CRLF3: variants seen among roughly 807,000 people sequenced by gnomAD.
The protein encoded by CRLF3 is cytokine receptor like factor 3.
CRLF3 carries 33 observed loss-of-function variants against 55.0 expected under a neutral mutation model. The observed-to-expected ratio is 0.60, with a 90% CI of 0.46 to 0.80. The LOEUF is 0.80. Among genes scored for constraint, CRLF3 ranks in the 30% least tolerant of loss-of-function variants. CRLF3 has a pLI of 0.00. For synonymous variants in CRLF3, 238 were observed against 196.8 expected (o/e 1.21, Z -1.75); for missense variants, 494 against 538.4 (o/e 0.92, Z 0.82).
chr17:30,785,826 C>G, intron 7 of CRLF3, 93 bp downstream of exon 7: 1 of 625,434 alleles, frequency 1.6e-6, no homozygotes, highest in Non-Finnish European at 2.7e-6. Context: ...ATTTTCTCAT[C>G]TCCTACTATA....
chr17:30,817,032 T>C (rs1248525173), intron 1 of CRLF3, among the ~76,000 whole-genome samples: 3 of 152,174 alleles, frequency 2.0e-5, no homozygotes, highest in Admixed American at 1.3e-4. Context: ...CCCCCCTTAT[T>C]TGCAATTAGT....
Position 30,796,241 on chromosome 17 carries a change from A to G in CRLF3, c.522T>C (p.His174=). Residue 174 remains histidine, a synonymous_variant, in exon 4 of 8, where the codon CAT becomes CAC. Coordinates refer to ENST00000324238, the MANE Select transcript of CRLF3 (RefSeq NM_015986.4). ...LNIVKDHIFK[H]GTVASRPPVQ... The stretch of plus-strand genomic sequence containing the variant: ...CTGGTGGGCGAGATGCTACTGTTCC[A>G]TGCTTAAAAATGTGGTCTTTCACTA... 6.2e-7 allele frequency: 1 copy of G among 1,614,074 alleles called. No homozygotes were observed. Among genetic ancestry groups the G allele is most frequent in the Non-Finnish European group, 8.5e-7 (1 of 1,179,958 alleles).
intron 1 of CRLF3, among the ~76,000 whole-genome samples, chr17:30,820,960 C>T (rs536974438): frequency 4.0e-5 from 6 of 151,244 alleles, no homozygotes; most frequent in African/African-American, 1.2e-4. Context: ...GGATCTGAGA[C>T]AGGAGGATGG....
At chr17:30,810,660 A>G (rs62070638) in intron 1 of CRLF3, among the ~76,000 whole-genome samples, 24,822 of 152,162 alleles carry the variant, frequency 0.16, 2,132 homozygotes, top group Non-Finnish European at 0.18. Context: ...TTTTAACATG[A>G]TTAAGAGCTC....
intron 7 of CRLF3, among the ~76,000 whole-genome samples, chr17:30,785,616 A>T (rs1358661525): frequency 6.6e-6 from 1 of 150,632 alleles, no homozygotes; most frequent in Non-Finnish European, 1.5e-5. Context: ...TTTACAAAAA[A>T]GTAAAAATAA....
At chr17:30,784,493 A>T (rs929747993) in intron 7 of CRLF3, 50 bp from the exon 8 acceptor site, 8 of 1,499,312 alleles carry the variant, frequency 5.3e-6, no homozygotes, top group Non-Finnish European at 7.3e-6. Flanking sequence ...TAACTAAGAG[A>T]TCTGAAATAG....
chr17:30,796,480 T>G, intron 3 of CRLF3, 143 bp from the exon 4 acceptor site: 1 of 577,424 alleles, frequency 1.7e-6, no homozygotes, highest in Non-Finnish European at 3.0e-6. Context: ...TTGCAAGATG[T>G]TACACAAAGA....
intron 2 of CRLF3, among the ~76,000 whole-genome samples, chr17:30,803,477 CAAAATGTCAATCTGA>C (rs1972037389): frequency 6.6e-6 from 1 of 152,138 alleles, no homozygotes; most frequent in East Asian, 1.9e-4. Context: ...GAGAAATCAG[CAAAATGTCAATCTGA>C]ACGAACCACA....
chr17:30,789,161 ATTGAGT>A (rs1971724601), intron 6 of CRLF3, among the ~76,000 whole-genome samples: 1 of 152,118 alleles, frequency 6.6e-6, no homozygotes, highest in Non-Finnish European at 1.5e-5. Flanking sequence ...CTACCATTAT[ATTGAGT>A]TTAACTGAAT....
chr17:30,791,334 G>A (rs1971795721), intron 6 of CRLF3, among the ~76,000 whole-genome samples: 1 of 151,544 alleles, frequency 6.6e-6, no homozygotes, highest in Non-Finnish European at 1.5e-5. Context: ...GCCTCCCGAA[G>A]TGCTGGGATT....
At position 30,797,295 on chromosome 17, in the gene CRLF3, G is replaced by T; in HGVS notation, c.425+16C>A. ...AAATGCTTAAAAGTAAGTCAAAAAG[G>T]CACAAACTCTTTTACCTGTCCAACT... On this transcript the variant is annotated intron_variant, in intron 3 of 7. Coordinates refer to ENST00000324238, the MANE Select transcript of CRLF3 (RefSeq NM_015986.4). The T allele has an allele frequency of 6.3e-7, 1 of 1,585,082 alleles. No individual in the cohort carries two copies. The highest frequency in any genetic ancestry group is 8.7e-7 in the Non-Finnish European group (1 of 1,153,636).
intron 3 of CRLF3, 52 bp from the exon 4 acceptor site, chr17:30,796,389 A>C (rs780031785): frequency 4.3e-6 from 6 of 1,404,094 alleles, no homozygotes; most frequent in Non-Finnish European, 5.8e-6. Context: ...GAGTTAAAAA[A>C]TACAAGAAAT....
Position 30,792,573 on chromosome 17 carries a change from C to G in CRLF3, c.827-1G>C. On this transcript the variant is annotated splice_acceptor_variant, in intron 5 of 7. Coordinates refer to ENST00000324238, the MANE Select transcript of CRLF3 (RefSeq NM_015986.4). LOFTEE classifies it high-confidence loss of function. Reference sequence around the variant, plus strand: ...TACCCCTCAAAACCAGCTGTCCACTCTTTTTCAAAGCAAAGATATTGAAAA... The same window carrying G: ...TACCCCTCAAAACCAGCTGTCCACTGTTTTTCAAAGCAAAGATATTGAAAA... The G allele has an allele frequency of 6.3e-7, 1 of 1,590,956 alleles. No individual in the cohort carries two copies. The highest frequency in any genetic ancestry group is 2.3e-5 in the East Asian group (1 of 44,250).
chr17:30,791,213 G>C (rs996469239), intron 6 of CRLF3, among the ~76,000 whole-genome samples: 1 of 151,810 alleles, frequency 6.6e-6, no homozygotes, highest in Non-Finnish European at 1.5e-5. Context: ...TGGGATTACA[G>C]GTGTGCACTA....
At position 30,824,640 on chromosome 17, in the gene CRLF3, C is replaced by A. The variant is rs533264211; in HGVS notation, c.12G>T (p.Ala4=). 4 of 1,597,452 alleles carry A rather than the reference C, an allele frequency of 2.5e-6. No individual in the cohort carries two copies. Among genetic ancestry groups the A allele is most frequent in the Non-Finnish European group, 3.4e-6 (4 of 1,176,364 alleles). MRG[A]MELEPELLLQ... ...ACAGCAGCTCAGGCTCCAGCTCCATCGCCCCCCTCATCTGGCCGCGCGGCC... is the reference window on the plus strand; with the variant it reads ...ACAGCAGCTCAGGCTCCAGCTCCATAGCCCCCCTCATCTGGCCGCGCGGCC... Residue 4 remains alanine, a synonymous_variant, in exon 1 of 8, where the codon GCG becomes GCT. Transcript: ENST00000324238.
intron 1 of CRLF3, among the ~76,000 whole-genome samples, chr17:30,804,665 CTCTTT>C (rs773839303): frequency 2.6e-5 from 4 of 152,272 alleles, no homozygotes; most frequent in Admixed American, 6.5e-5. Flanking sequence ...GAATTTCCTT[CTCTTT>C]TAAGGTTGAA....
chr17:30,802,072 T>C (rs573312436), intron 2 of CRLF3, among the ~76,000 whole-genome samples: 2 of 151,992 alleles, frequency 1.3e-5, no homozygotes, highest in African/African-American at 2.4e-5. Flanking sequence ...TTAGCATGTA[T>C]CTCTCTCTCA....
intron 1 of CRLF3, among the ~76,000 whole-genome samples, chr17:30,812,717 C>T (rs1328376915): frequency 1.3e-5 from 2 of 152,086 alleles, no homozygotes; most frequent in Non-Finnish European, 2.9e-5. Flanking sequence ...TGCAGTCACA[C>T]GTGCACAGCA....
Position 30,802,207 on chromosome 17 carries a change from C to T in CRLF3, c.337+1694G>A, listed in dbSNP as rs545513242. Among the ~76,000 whole-genome samples, 7 of 151,570 alleles carry T rather than the reference C, an allele frequency of 4.6e-5. No homozygotes were observed. In the East Asian group the frequency reaches 1.2e-3, roughly 25 times the overall value. ...GTGCAATCTCGGCTAACTGCAACCT[C>T]CGCCTCCCGGGTTCAAGCAATTCTC... On this transcript the variant is annotated intron_variant, in intron 2 of 7. Coordinates refer to ENST00000324238, the MANE Select transcript of CRLF3 (RefSeq NM_015986.4).
Sources: allele counts gnomAD v4.1 joint callset (sites outside exome capture counted in the v4.1 genomes callset), GRCh38; gene constraint gnomAD v4.1.1; transcripts MANE v1.5; gene names NCBI Gene and HGNC (gene_info 2026-07-23, HGNC 2026-07-21).